PDE1C: variants seen among roughly 807,000 people sequenced by gnomAD.
PDE1C encodes the protein phosphodiesterase 1C, also known as dual specificity calcium/calmodulin-dependent 3',5'-cyclic nucleotide phosphodiesterase 1C.
In PDE1C, 62 loss-of-function variants were observed where a neutral mutation model predicts 93.1. That is an observed-to-expected ratio of 0.67 (90% confidence interval 0.54 to 0.82). PDE1C has a LOEUF of 0.82. PDE1C is among the 40% of genes least tolerant of loss of function. The pLI is 0.00. For missense variants in PDE1C, 742 were observed against 884.6 expected, an observed-to-expected ratio of 0.84 and a Z score of 2.04; for synonymous variants, 325 against 310.1, an observed-to-expected ratio of 1.05 and a Z score of -0.50.
chr7:31,790,371 A>G, intron 16 of PDE1C: 1 of 801,572 alleles, frequency 1.2e-6, no homozygotes, highest in Non-Finnish European at 2.1e-6. Context: ...AAAATGGGAT[A>G]ACCAATTAAA....
At chr7:31,989,048 AAG>A (rs1783813083) in intron 2 of PDE1C, among the ~76,000 whole-genome samples, 2 of 151,184 alleles carry the variant, frequency 1.3e-5, no homozygotes, top group South Asian at 4.2e-4. Flanking sequence ...AAAGGAAAGA[AAG>A]AGAAAAAATA....
chr7:32,318,953 T>C (rs866998854), intron 1 of PDE1C, among the ~76,000 whole-genome samples: 13 of 152,246 alleles, frequency 8.5e-5, no homozygotes, highest in Middle Eastern at 6.8e-3. Flanking sequence ...GAAATCAGCG[T>C]TGGTGCATTG....
the PDE1C span, chr7:31,653,212 T>C: frequency 2.7e-5 from 5 of 182,858 alleles, no homozygotes; most frequent in Non-Finnish European, 4.6e-5. Context: ...GGTCTGTGCC[T>C]TTCTCCAAAG....
At chr7:32,401,527 A>C in intron 1 of PDE1C, among the ~76,000 whole-genome samples, 1 of 149,810 alleles carries the variant, frequency 6.7e-6, no homozygotes, top group Non-Finnish European at 1.5e-5. Context: ...ACAGAGCAAG[A>C]CTCCATCTCA....
intron 2 of PDE1C, among the ~76,000 whole-genome samples, chr7:32,015,325 T>C (rs1787743017): frequency 6.6e-6 from 1 of 151,874 alleles, no homozygotes. Flanking sequence ...GAGGAAAATA[T>C]TGCTGAAAAC....
the PDE1C span, among the ~76,000 whole-genome samples, chr7:31,716,561 T>A: frequency 6.6e-6 from 1 of 152,194 alleles, no homozygotes; most frequent in South Asian, 2.1e-4. Context: ...TATTGTGCAA[T>A]AATAGATGTG....
At chr7:31,870,529 T>C (rs1795818335) in intron 6 of PDE1C, among the ~76,000 whole-genome samples, 1 of 151,982 alleles carries the variant, frequency 6.6e-6, no homozygotes, top group South Asian at 2.1e-4. Context: ...CCTGGACACA[T>C]ACAACTTACC....
chr7:31,837,084 G>A, intron 11 of PDE1C, 96 bp downstream of exon 11: 3 of 1,252,480 alleles, frequency 2.4e-6, no homozygotes, highest in African/African-American at 1.5e-5. Flanking sequence ...CAAAATTACT[G>A]TAATCTCAAT....
chr7:32,123,173 A>T (rs1204177979), intron 3 of PDE1C, among the ~76,000 whole-genome samples: 1 of 152,194 alleles, frequency 6.6e-6, no homozygotes, highest in Non-Finnish European at 1.5e-5. Context: ...AAGAAATCAA[A>T]TTCCTGAATA....
chr7:32,022,155 G>A (rs1465666157), intron 2 of PDE1C, among the ~76,000 whole-genome samples: 1 of 151,400 alleles, frequency 6.6e-6, no homozygotes, highest in Admixed American at 6.6e-5. Flanking sequence ...AACAGAGGGA[G>A]GAAAGGAAGA....
At chr7:32,134,762 G>T (rs149754027) in intron 3 of PDE1C, among the ~76,000 whole-genome samples, 1,888 of 152,176 alleles carry the variant, frequency 0.012, 38 homozygotes, top group African/African-American at 0.044. Context: ...CTGTCAGGGG[G>T]TTGGGGACAA....
the PDE1C span, among the ~76,000 whole-genome samples, chr7:31,681,398 T>G: frequency 6.6e-6 from 1 of 151,826 alleles, no homozygotes; most frequent in African/African-American, 2.4e-5. Flanking sequence ...GATGGATGGA[T>G]GGATGGATGG....
chr7:31,721,928 G>A, the PDE1C span, among the ~76,000 whole-genome samples: 2 of 152,062 alleles, frequency 1.3e-5, no homozygotes, highest in African/African-American at 4.8e-5. Flanking sequence ...CCCACTCCCA[G>A]AGAGCAGGAA....
intron 9 of PDE1C, among the ~76,000 whole-genome samples, chr7:31,847,484 A>T (rs1330479150): frequency 1.3e-5 from 2 of 152,136 alleles, no homozygotes; most frequent in Admixed American, 6.6e-5. Context: ...AACACATGTT[A>T]TTAAATAAAA....
chr7:31,783,004 C>G (rs1234732355), intron 16 of PDE1C, among the ~76,000 whole-genome samples: 2 of 152,124 alleles, frequency 1.3e-5, no homozygotes, highest in Non-Finnish European at 2.9e-5. Context: ...GTTTTTTCAA[C>G]CTACAATGAG....
chr7:31,964,710 TA>T (rs1421733457), intron 2 of PDE1C, among the ~76,000 whole-genome samples: 1 of 152,120 alleles, frequency 6.6e-6, no homozygotes, highest in African/African-American at 2.4e-5. Flanking sequence ...AACCCCCCAA[TA>T]GGGGTGGACT....
At chr7:32,155,247 A>G (rs1801500185) in intron 3 of PDE1C, among the ~76,000 whole-genome samples, 1 of 152,212 alleles carries the variant, frequency 6.6e-6, no homozygotes, top group African/African-American at 2.4e-5. Flanking sequence ...AGATCTACCA[A>G]CTGATAGTAG....
At chr7:32,271,659 A>G (rs1007204111) in intron 1 of PDE1C, among the ~76,000 whole-genome samples, 1 of 152,240 alleles carries the variant, frequency 6.6e-6, no homozygotes, top group African/African-American at 2.4e-5. Context: ...CAGACAAAAC[A>G]GGACGAAGTT....
chr7:32,259,830 C>T (rs1390082583), intron 1 of PDE1C, among the ~76,000 whole-genome samples: 1 of 152,158 alleles, frequency 6.6e-6, no homozygotes, highest in Non-Finnish European at 1.5e-5. Context: ...CCTCCTGCCC[C>T]CAAGCAGGTG....
Sources: allele counts gnomAD v4.1 joint callset (sites outside exome capture counted in the v4.1 genomes callset), GRCh38; gene constraint gnomAD v4.1.1; transcripts MANE v1.5; gene names NCBI Gene and HGNC (gene_info 2026-07-23, HGNC 2026-07-21).